SPIN1: variants seen among roughly 807,000 people sequenced by gnomAD.
SPIN1 encodes the protein spindlin 1, also known as spindlin-1.
A neutral mutation model predicts 26.0 loss-of-function variants in SPIN1; 3 were observed. The observed-to-expected ratio is 0.12, with a 90% CI of 0.05 to 0.30. SPIN1 has a LOEUF of 0.30. Ranked by LOEUF, SPIN1 falls within the 10% of genes least tolerant of loss-of-function variation. SPIN1 has a pLI of 1.00. For missense variants in SPIN1, 126 were observed against 333.4 expected, an observed-to-expected ratio of 0.38 and a Z score of 4.84; for synonymous variants, 101 against 116.5, an observed-to-expected ratio of 0.87 and a Z score of 0.86.
chr9:88,392,638 T>TCCTC lies in SPIN1; in HGVS notation c.-159+4105_-159+4108dup, dbSNP rs1359379292. On this transcript the variant is annotated intron_variant, in intron 1 of 5. Coordinates refer to ENST00000375859, the MANE Select transcript of SPIN1 (RefSeq NM_006717.3). ...TTCCTTCTTTCCTTCCTTCCTTCCTTCCTCCCTCTTTTTCTACCTATCTAC... is the reference window on the plus strand; with the variant it reads ...TTCCTTCTTTCCTTCCTTCCTTCCTTCCTCCCTCCCTCTTTTTCTACCTATCTAC... 6.6e-5 allele frequency among the ~76,000 whole-genome samples: 10 copies of TCCTC among 151,914 alleles called. No homozygotes were observed. The East Asian group carries it at 1.2e-3, about 18-fold the overall frequency.
intron 2 of SPIN1, among the ~76,000 whole-genome samples, chr9:88,436,976 G>A (rs1428035430): frequency 2.0e-5 from 3 of 151,294 alleles, no homozygotes; most frequent in Admixed American, 1.3e-4. Flanking sequence ...CGTTTTAGCC[G>A]GGATGGTCTC....
chr9:88,456,990 GTTTAC>G (rs1404386146), intron 3 of SPIN1, among the ~76,000 whole-genome samples: 1 of 152,118 alleles, frequency 6.6e-6, no homozygotes, highest in Non-Finnish European at 1.5e-5. Context: ...TGAAAGTAGA[GTTTAC>G]TTAATTCACT....
At position 88,475,370 on chromosome 9, in the gene SPIN1, T is replaced by C. The variant is rs1306115936; in HGVS notation, c.*93T>C. On this transcript the variant is annotated 3_prime_UTR_variant, in exon 6 of 6. Transcript: ENST00000375859. ...ATTGCTTTCCAGTTTAATGAAAGCT[T>C]AAATGTCCCTGCGAACCCACAATCT... is the stretch of plus-strand genomic sequence containing the variant. 5 of 1,311,966 alleles carry C rather than the reference T, an allele frequency of 3.8e-6. No individual in the cohort carries two copies. The highest frequency in any genetic ancestry group is 5.3e-6 in the Non-Finnish European group (5 of 942,022). The allele number at this position is 1,311,966 out of a possible 1,614,324, so 81.3% of individuals were successfully genotyped here. A position where few individuals can be genotyped will look rare whatever the true frequency, so the allele number is the denominator to read the frequency against.
chr9:88,422,141 T>C (rs1007205587), intron 1 of SPIN1, among the ~76,000 whole-genome samples: 5 of 152,200 alleles, frequency 3.3e-5, no homozygotes, highest in African/African-American at 1.2e-4. Flanking sequence ...CGTACAATTA[T>C]TGTTCTCCAG....
rs1727278121 is a variant in SPIN1 at position 88,476,042 on chromosome 9, T to C, written c.*765T>C. ...GAATTTTACAATCTGGTGAACAATC[T>C]GGGTAAAAGGCTACCTTTAATTCTA... On this transcript the variant is annotated 3_prime_UTR_variant, in exon 6 of 6. Transcript: ENST00000375859. 1 of 152,028 alleles carries C rather than the reference T, an allele frequency of 6.6e-6. No homozygotes were observed. The highest frequency in any genetic ancestry group is 2.1e-4 in the South Asian group (1 of 4,832). 9.4% of individuals were successfully genotyped at this position (152,028 alleles called of 1,614,324 possible).
intron 2 of SPIN1, among the ~76,000 whole-genome samples, chr9:88,431,512 A>C (rs1827870542): frequency 6.7e-6 from 1 of 149,180 alleles, no homozygotes; most frequent in African/African-American, 2.5e-5. Context: ...CTGGTCTTGA[A>C]CTCCCGACCT....
intron 2 of SPIN1, among the ~76,000 whole-genome samples, chr9:88,438,621 A>T (rs1389272234): frequency 1.3e-5 from 2 of 152,188 alleles, no homozygotes; most frequent in Non-Finnish European, 2.9e-5. Flanking sequence ...TGTTGAGTTC[A>T]TCTATATCCT....
At chr9:88,410,161 T>TTGTGTGTGTGTGTG (rs140522640) in intron 1 of SPIN1, among the ~76,000 whole-genome samples, 8 of 113,568 alleles carry the variant, frequency 7.0e-5, no homozygotes, top group African/African-American at 3.7e-4. Context: ...TGCATATATT[T>TTGTGTGTGTGTGTG]AGTGTGTGTG....
chr9:88,407,696 A>AT (rs529848405), intron 1 of SPIN1, among the ~76,000 whole-genome samples: 342 of 139,162 alleles, frequency 2.5e-3, no homozygotes, highest in Admixed American at 3.6e-3. Context: ...TTCAGTTTTC[A>AT]TTTTTTTTTT....
chr9:88,453,082 C>G (rs559184892), intron 3 of SPIN1, among the ~76,000 whole-genome samples: 1 of 152,194 alleles, frequency 6.6e-6, no homozygotes, highest in South Asian at 2.1e-4. Context: ...TTAAGGAAGT[C>G]TAGGTAAAAA....
intron 3 of SPIN1, among the ~76,000 whole-genome samples, chr9:88,455,294 T>C (rs1446351309): frequency 1.3e-5 from 2 of 152,060 alleles, no homozygotes; most frequent in Non-Finnish European, 2.9e-5. Context: ...ATATCTCCAC[T>C]AAAAATACAA....
At chr9:88,433,490 C>G (rs775025547) in intron 2 of SPIN1, among the ~76,000 whole-genome samples, 1 of 152,136 alleles carries the variant, frequency 6.6e-6, no homozygotes, top group African/African-American at 2.4e-5. Flanking sequence ...CCTTGAGTCT[C>G]TTGATCCTAG....
intron 3 of SPIN1, among the ~76,000 whole-genome samples, chr9:88,450,438 A>G (rs1828333119): frequency 6.6e-6 from 1 of 152,198 alleles, no homozygotes; most frequent in Non-Finnish European, 1.5e-5. Flanking sequence ...TTAAAAGTTC[A>G]TTTACTTAGG....
chr9:88,424,277 A>G (rs1039220060), intron 1 of SPIN1, among the ~76,000 whole-genome samples: 25 of 152,144 alleles, frequency 1.6e-4, no homozygotes, highest in African/African-American at 6.0e-4. Flanking sequence ...CTGTTTTCCT[A>G]GCCAATAGCA....
rs1028156050 is a variant in SPIN1 at position 88,393,887 on chromosome 9, A to G, written c.-159+5349A>G. Among the ~76,000 whole-genome samples the G allele has an allele frequency of 8.6e-5, 13 of 150,888 alleles. No individual in the cohort carries two copies. The East Asian group carries it at 2.6e-3, about 30-fold the overall frequency. ...AATTTTGAGACAGTCTTGCTCTGTC[A>G]CCCAGGCTGGAGTGCAGTGGTGTGA... On this transcript the variant is annotated intron_variant, in intron 1 of 5. Coordinates refer to ENST00000375859, the MANE Select transcript of SPIN1 (RefSeq NM_006717.3).
At chr9:88,457,631 A>G (rs1828496167) in intron 3 of SPIN1, among the ~76,000 whole-genome samples, 1 of 152,184 alleles carries the variant, frequency 6.6e-6, no homozygotes, top group African/African-American at 2.4e-5. Flanking sequence ...AGATGGTAAA[A>G]TGAAAGTTTT....
At chr9:88,429,925 CAA>C (rs1339703882) in intron 2 of SPIN1, among the ~76,000 whole-genome samples, 1 of 152,018 alleles carries the variant, frequency 6.6e-6, no homozygotes, top group African/African-American at 2.4e-5. Flanking sequence ...AGCTGTAAGT[CAA>C]GAGGAGGAGG....
At chr9:88,410,408 C>T in intron 1 of SPIN1, 3 of 574,676 alleles carry the variant, frequency 5.2e-6, no homozygotes, top group Non-Finnish European at 9.6e-6. Flanking sequence ...TAAAACATGT[C>T]TTCTTTGTAG....
intron 1 of SPIN1, among the ~76,000 whole-genome samples, chr9:88,410,161 T>TTG (rs140522640): frequency 1.8e-5 from 2 of 113,568 alleles, no homozygotes; most frequent in African/African-American, 1.1e-4. Flanking sequence ...TGCATATATT[T>TTG]AGTGTGTGTG....
Sources: allele counts gnomAD v4.1 joint callset (sites outside exome capture counted in the v4.1 genomes callset), GRCh38; gene constraint gnomAD v4.1.1; transcripts MANE v1.5; gene names NCBI Gene and HGNC (gene_info 2026-07-23, HGNC 2026-07-21).